The following RBMS3 variants were observed in gnomAD, a reference collection of about 807,000 sequenced individuals.
The protein encoded by RBMS3 is RNA binding motif single stranded interacting protein 3.
Under a neutral mutation model 66.8 loss-of-function variants are expected in RBMS3, and 27 were observed. The observed-to-expected ratio is 0.40, with a 90% CI of 0.30 to 0.56. The LOEUF is 0.56. RBMS3 is among the 20% of genes least tolerant of loss of function. The pLI is 0.40. For synonymous variants in RBMS3, 188 were observed against 183.0 expected (o/e 1.03, Z -0.22); for missense variants, 513 against 549.5 (o/e 0.93, Z 0.66).
chr3:29,634,041 A>T (rs527754242), intron 4 of RBMS3, among the ~76,000 whole-genome samples: 1 of 152,034 alleles, frequency 6.6e-6, no homozygotes, highest in African/African-American at 2.4e-5. Context: ...ACAAAGGAAG[A>T]TGTTTATATC....
chr3:29,416,053 A>C (rs141102424), intron 1 of RBMS3, among the ~76,000 whole-genome samples: 56 of 152,306 alleles, frequency 3.7e-4, no homozygotes, highest in African/African-American at 1.3e-3. Context: ...CCTGTGGACT[A>C]TTTAGAATTA....
At chr3:29,314,909 A>T (rs1232465471) in intron 1 of RBMS3, among the ~76,000 whole-genome samples, 2 of 151,608 alleles carry the variant, frequency 1.3e-5, no homozygotes, top group African/African-American at 4.8e-5. Flanking sequence ...CTGGCATGAG[A>T]TCAGTAAGAA....
intron 4 of RBMS3, among the ~76,000 whole-genome samples, chr3:29,670,157 G>A (rs1199891666): frequency 6.6e-6 from 1 of 152,166 alleles, no homozygotes; most frequent in East Asian, 1.9e-4. Context: ...AAGGCTAAAC[G>A]GACCCTTATT....
At chr3:29,540,303 G>T (rs1010990925) in intron 3 of RBMS3, among the ~76,000 whole-genome samples, 1 of 152,086 alleles carries the variant, frequency 6.6e-6, no homozygotes, top group Non-Finnish European at 1.5e-5. Flanking sequence ...TATGACAACA[G>T]AATTTTTTAT....
intron 10 of RBMS3, among the ~76,000 whole-genome samples, chr3:29,916,460 A>T (rs978483652): frequency 2.0e-5 from 3 of 151,924 alleles, no homozygotes; most frequent in Non-Finnish European, 4.4e-5. Flanking sequence ...AATCAGCTAG[A>T]TATTCCTTGT....
chr3:29,468,337 T>G (rs2042608700), intron 2 of RBMS3, among the ~76,000 whole-genome samples: 1 of 152,174 alleles, frequency 6.6e-6, no homozygotes, highest in African/African-American at 2.4e-5. Context: ...TTGATGGGAC[T>G]TAAGCTTGTT....
At chr3:29,725,941 T>C (rs1337205502) in intron 4 of RBMS3, among the ~76,000 whole-genome samples, 1 of 152,156 alleles carries the variant, frequency 6.6e-6, no homozygotes, top group African/African-American at 2.4e-5. Flanking sequence ...CTGATGAACA[T>C]GGATGCGAAA....
chr3:29,958,782 G>A (rs184652304), intron 12 of RBMS3, among the ~76,000 whole-genome samples: 18 of 152,286 alleles, frequency 1.2e-4, no homozygotes, highest in Non-Finnish European at 2.4e-4. Flanking sequence ...CTCACCAAGA[G>A]TGAAATGCTG....
chr3:29,789,544 A>T (rs564075417), intron 6 of RBMS3, among the ~76,000 whole-genome samples: 33 of 152,110 alleles, frequency 2.2e-4, no homozygotes, highest in African/African-American at 7.7e-4. Flanking sequence ...TATATTTTTT[A>T]TTTTCCTGAA....
At chr3:29,295,737 G>A (rs554648361) in intron 1 of RBMS3, among the ~76,000 whole-genome samples, 3 of 151,658 alleles carry the variant, frequency 2.0e-5, no homozygotes, top group East Asian at 1.9e-4. Flanking sequence ...TTTGTACCAC[G>A]TTTTATGCAA....
intron 6 of RBMS3, among the ~76,000 whole-genome samples, chr3:29,841,010 G>A (rs560785185): frequency 9.2e-5 from 14 of 151,954 alleles, no homozygotes; most frequent in African/African-American, 3.1e-4. Flanking sequence ...CAAAATACTA[G>A]GAAAGTATAA....
intron 4 of RBMS3, among the ~76,000 whole-genome samples, chr3:29,677,126 A>G (rs2051290110): frequency 1.3e-5 from 2 of 152,116 alleles, no homozygotes; most frequent in South Asian, 4.1e-4. Flanking sequence ...CTCACTCACT[A>G]TACAGTACTA....
intron 6 of RBMS3, among the ~76,000 whole-genome samples, chr3:29,776,935 T>A (rs2056447635): frequency 2.0e-5 from 3 of 152,008 alleles, no homozygotes; most frequent in Middle Eastern, 6.8e-3. Flanking sequence ...AAAGAAATAT[T>A]TACCTTGAAT....
chr3:29,420,974 G>T (rs897537137), intron 1 of RBMS3, among the ~76,000 whole-genome samples: 7 of 149,070 alleles, frequency 4.7e-5, no homozygotes, highest in Non-Finnish European at 6.0e-5. Flanking sequence ...TTAACTGGGC[G>T]TGGTGGCGGG....
chr3:29,334,216 A>G (rs1464865306), intron 1 of RBMS3, among the ~76,000 whole-genome samples: 1 of 152,180 alleles, frequency 6.6e-6, no homozygotes, highest in Non-Finnish European at 1.5e-5. Context: ...CTTTTATTAT[A>G]CATCATTACT....
intron 4 of RBMS3, among the ~76,000 whole-genome samples, chr3:29,590,564 G>T (rs1315030363): frequency 2.6e-5 from 4 of 151,594 alleles, no homozygotes; most frequent in Admixed American, 2.6e-4. Context: ...AATGAAGATT[G>T]AATAAAAAAT....
chr3:29,824,442 A>C (rs1007933770), intron 6 of RBMS3, among the ~76,000 whole-genome samples: 2 of 152,158 alleles, frequency 1.3e-5, no homozygotes, highest in African/African-American at 4.8e-5. Flanking sequence ...ATAGCAGCCA[A>C]AATGGACTAA....
intron 4 of RBMS3, among the ~76,000 whole-genome samples, chr3:29,727,639 A>T (rs2053942281): frequency 6.6e-6 from 1 of 152,228 alleles, no homozygotes; most frequent in Non-Finnish European, 1.5e-5. Flanking sequence ...GAGAAATGCA[A>T]ATCGAAACCG....
intron 4 of RBMS3, among the ~76,000 whole-genome samples, chr3:29,591,661 T>C (rs1227268497): frequency 6.6e-6 from 1 of 152,212 alleles, no homozygotes; most frequent in Non-Finnish European, 1.5e-5. Context: ...TTAGAAACAC[T>C]AGAATGGGTC....
Sources: gnomAD v4.1 joint callset for allele counts (sites outside exome capture counted in the v4.1 genomes callset) on GRCh38, gnomAD v4.1.1 for gene constraint, MANE v1.5 for transcripts, NCBI Gene and HGNC (gene_info 2026-07-23, HGNC 2026-07-21) for gene names.